The following SCRN1 variants were observed in gnomAD, a reference collection of about 807,000 sequenced individuals.
SCRN1 encodes secernin-1.
In SCRN1, 19 loss-of-function variants were observed where a neutral mutation model predicts 43.3. That is an observed-to-expected ratio of 0.44 (90% CI 0.31 to 0.64). The LOEUF is 0.64. Ranked by LOEUF, SCRN1 falls within the 30% of genes least tolerant of loss-of-function variation. SCRN1 has a pLI of 0.09. For synonymous variants in SCRN1, 183 were observed against 188.9 expected, an observed-to-expected ratio of 0.97 and a Z score of 0.26; for missense variants, 447 against 524.1, an observed-to-expected ratio of 0.85 and a Z score of 1.44.
chr7:29,978,579 T>C (rs969160191), intron 1 of SCRN1, among the ~76,000 whole-genome samples: 5 of 152,198 alleles, frequency 3.3e-5, no homozygotes, highest in Non-Finnish European at 5.9e-5. Flanking sequence ...CTGACTTCTC[T>C]AACTCTGAGC....
intron 6 of SCRN1, among the ~76,000 whole-genome samples, chr7:29,932,727 C>CTTG (rs1787202254): frequency 7.0e-6 from 1 of 143,470 alleles, no homozygotes; most frequent in Non-Finnish European, 1.5e-5. Flanking sequence ...GACACACAGA[C>CTTG]ATACAAATAA....
intron 6 of SCRN1, among the ~76,000 whole-genome samples, chr7:29,932,195 G>C (rs572145329): frequency 5.3e-5 from 8 of 152,296 alleles, no homozygotes; most frequent in African/African-American, 1.9e-4. Flanking sequence ...TGGAATTGGA[G>C]GGGTAGGCAC....
chr7:29,968,805 G>T, intron 2 of SCRN1, 104 bp downstream of exon 2: 1 of 1,386,306 alleles, frequency 7.2e-7, no homozygotes, highest in Non-Finnish European at 1.0e-6. Flanking sequence ...TGACATGATA[G>T]CTCTGACTTG....
At chr7:29,955,477 G>A in intron 2 of SCRN1, 117 bp from the exon 3 acceptor site, 1 of 959,138 alleles carries the variant, frequency 1.0e-6, no homozygotes, top group Non-Finnish European at 1.5e-6. Context: ...AAAATAAAAG[G>A]CCTTGGGAAT....
chr7:29,971,460 C>T (rs557805584), intron 1 of SCRN1, among the ~76,000 whole-genome samples: 4 of 152,152 alleles, frequency 2.6e-5, no homozygotes, highest in East Asian at 3.9e-4. Flanking sequence ...TGGAGAGACC[C>T]TGTTTCCACA....
rs963297906 is a variant in SCRN1 at position 29,954,260 on chromosome 7, G to C, written c.341+919C>G. Among the ~76,000 whole-genome samples, 8 of 152,210 alleles carry C rather than the reference G, an allele frequency of 5.3e-5. No homozygotes were observed. The South Asian group carries it at 6.2e-4, about 12-fold the overall frequency. The stretch of plus-strand genomic sequence containing the variant: ...GGAAAAAGGAAGAAAAAATAACTGA[G>C]ACATAGAGAGGAAAGGAGGGAAGTG... On this transcript the variant is annotated intron_variant, in intron 3 of 7. Coordinates refer to ENST00000242059, the MANE Select transcript of SCRN1 (RefSeq NM_014766.5).
chr7:29,956,036 AGT>A (rs1384537095), intron 2 of SCRN1, among the ~76,000 whole-genome samples: 2 of 152,196 alleles, frequency 1.3e-5, no homozygotes, highest in African/African-American at 4.8e-5. Context: ...CACACAACTT[AGT>A]GGTGCATCTT....
At chr7:29,974,053 A>G (rs1055601869) in intron 1 of SCRN1, among the ~76,000 whole-genome samples, 7 of 152,234 alleles carry the variant, frequency 4.6e-5, no homozygotes, top group African/African-American at 1.7e-4. Context: ...ATACTTGCCC[A>G]GGAAATGTAT....
Position 29,989,798 on chromosome 7 carries a change from A to G in SCRN1, c.-158T>C, listed in dbSNP as rs1003081167. 24 of 988,112 alleles carry G rather than the reference A, an allele frequency of 2.4e-5. No individual in the cohort carries two copies. The African/African-American group carries it at 3.5e-4, about 14-fold the overall frequency. The allele number at this position is 988,112 out of a possible 1,614,324, so 61.2% of individuals were successfully genotyped here. A position where few individuals can be genotyped will look rare whatever the true frequency, so the allele number is the denominator to read the frequency against. ...CCGCCGGGCGCTTCCCCCTACCCAGACTCCCGGCGCTGGGGCCCGCCGCCC... is the reference window on the plus strand; with the variant it reads ...CCGCCGGGCGCTTCCCCCTACCCAGGCTCCCGGCGCTGGGGCCCGCCGCCC... On this transcript the variant is annotated 5_prime_UTR_variant, in exon 1 of 8. Transcript: ENST00000242059.
At chr7:29,936,175 T>A (rs571058287) in intron 6 of SCRN1, among the ~76,000 whole-genome samples, 1 of 152,322 alleles carries the variant, frequency 6.6e-6, no homozygotes, top group Admixed American at 6.5e-5. Context: ...CATTCCCACA[T>A]CTCTCTGTCT....
chr7:29,948,392 G>A (rs1453167332), intron 3 of SCRN1, among the ~76,000 whole-genome samples: 1 of 152,200 alleles, frequency 6.6e-6, no homozygotes, highest in East Asian at 1.9e-4. Context: ...CAGTGTTCAG[G>A]AAATAGTAAC....
At chr7:29,926,335 G>C in intron 7 of SCRN1, 117 bp downstream of exon 7, 2 of 1,103,922 alleles carry the variant, frequency 1.8e-6, no homozygotes, top group Non-Finnish European at 2.6e-6. Flanking sequence ...GAGAAGCCCG[G>C]TCACACTGGA....
chr7:29,981,263 A>G (rs1425157608), intron 1 of SCRN1, among the ~76,000 whole-genome samples: 1 of 152,118 alleles, frequency 6.6e-6, no homozygotes, highest in Non-Finnish European at 1.5e-5. Flanking sequence ...TCACTACATA[A>G]TTTTAGTTAG....
intron 4 of SCRN1, among the ~76,000 whole-genome samples, chr7:29,941,913 G>T (rs1225413803): frequency 6.6e-6 from 1 of 152,170 alleles, no homozygotes; most frequent in Non-Finnish European, 1.5e-5. Context: ...GTGACATAAA[G>T]AACATAAACT....
intron 3 of SCRN1, among the ~76,000 whole-genome samples, chr7:29,948,291 C>T (rs1446905808): frequency 6.6e-6 from 1 of 152,206 alleles, no homozygotes; most frequent in African/African-American, 2.4e-5. Context: ...CTCCTAAGCT[C>T]CAGTGTCCTC....
At chr7:29,948,465 G>T (rs1787807581) in intron 3 of SCRN1, among the ~76,000 whole-genome samples, 1 of 152,234 alleles carries the variant, frequency 6.6e-6, no homozygotes, top group African/African-American at 2.4e-5. Flanking sequence ...AATCACCTGA[G>T]TCCTCACATT....
upstream of SCRN1, chr7:29,990,240 T>C (rs1324830258): frequency 6.4e-7 from 1 of 1,551,570 alleles, no homozygotes; most frequent in Admixed American, 2.0e-5. Flanking sequence ...TCCTGTACCA[T>C]GTTGGTAAGC....
intron 3 of SCRN1, chr7:29,947,245 T>C: frequency 1.9e-6 from 3 of 1,550,690 alleles, no homozygotes; most frequent in Non-Finnish European, 2.6e-6. Flanking sequence ...TATAGGAAAA[T>C]CTTTCCCTGG....
chr7:29,933,961 T>C (rs983167026), intron 6 of SCRN1, among the ~76,000 whole-genome samples: 2 of 152,166 alleles, frequency 1.3e-5, no homozygotes, highest in African/African-American at 4.8e-5. Flanking sequence ...GAAGCCAAAA[T>C]CTCCCTAACT....
Sources: allele counts gnomAD v4.1 joint callset (sites outside exome capture counted in the v4.1 genomes callset), GRCh38; gene constraint gnomAD v4.1.1; transcripts MANE v1.5; gene names NCBI Gene and HGNC (gene_info 2026-07-23, HGNC 2026-07-21).